PLCB1: variants seen among roughly 807,000 people sequenced by gnomAD.
PLCB1 encodes the protein phospholipase C beta 1.
A neutral mutation model predicts 161.8 loss-of-function variants in PLCB1; 46 were observed. The observed-to-expected ratio is 0.28, with a 90% confidence interval of 0.22 to 0.36. The LOEUF is 0.36. Ranked by LOEUF, PLCB1 falls within the 10% of genes least tolerant of loss-of-function variation. The pLI is 1.00. For synonymous variants in PLCB1, 517 were observed against 503.7 expected (o/e 1.03, Z -0.35); for missense variants, 1,016 against 1,472.5 (o/e 0.69, Z 5.07).
At chr20:8,729,202 T>C in intron 18 of PLCB1, 28 bp downstream of exon 18, 1 of 1,560,618 alleles carries the variant, frequency 6.4e-7, no homozygotes, top group Non-Finnish European at 8.7e-7. Flanking sequence ...CCCATTCTGC[T>C]ATGAACTCAC....
At chr20:8,293,678 T>C (rs1464712256) in intron 2 of PLCB1, among the ~76,000 whole-genome samples, 1 of 152,096 alleles carries the variant, frequency 6.6e-6, no homozygotes, top group East Asian at 1.9e-4. Context: ...GGCAATAACC[T>C]CTTAATATCA....
At chr20:8,582,691 T>A (rs888255527) in intron 3 of PLCB1, among the ~76,000 whole-genome samples, 2 of 152,080 alleles carry the variant, frequency 1.3e-5, no homozygotes, top group Non-Finnish European at 2.9e-5. Context: ...TTATTTGGCC[T>A]TAAAAAGAAA....
intron 2 of PLCB1, among the ~76,000 whole-genome samples, chr20:8,360,103 C>A (rs1418940459): frequency 2.4e-4 from 37 of 152,136 alleles, no homozygotes; most frequent in Admixed American, 2.2e-3. Flanking sequence ...GAAGTCCCAA[C>A]CTCAACCTAA....
chr20:8,349,684 A>G (rs1204271110), intron 2 of PLCB1, among the ~76,000 whole-genome samples: 1 of 152,200 alleles, frequency 6.6e-6, no homozygotes, highest in East Asian at 1.9e-4. Context: ...AGACTGAAAA[A>G]TTAGGGCATT....
chr20:8,545,040 A>G (rs1417199569), intron 3 of PLCB1, among the ~76,000 whole-genome samples: 3 of 152,222 alleles, frequency 2.0e-5, no homozygotes, highest in Non-Finnish European at 4.4e-5. Context: ...ATGACAGTCT[A>G]GAAGAATGGA....
chr20:8,233,494 C>G lies in PLCB1; in HGVS notation c.177+83123C>G, dbSNP rs143255625. 1.3e-3 allele frequency among the ~76,000 whole-genome samples: 205 copies of G among 152,244 alleles called. 1 individual carries two copies. The highest frequency in any genetic ancestry group is 4.6e-3 in the African/African-American group (192 of 41,558). ...GGCATTCGAAAATAGCGGAAACCCTCTTTAGAAATTGATAACTTGGTTAAG... is the reference window on the plus strand; with the variant it reads ...GGCATTCGAAAATAGCGGAAACCCTGTTTAGAAATTGATAACTTGGTTAAG... On this transcript the variant is annotated intron_variant, in intron 2 of 31. Transcript: ENST00000338037.
At chr20:8,338,976 G>A (rs1045160403) in intron 2 of PLCB1, among the ~76,000 whole-genome samples, 1 of 152,050 alleles carries the variant, frequency 6.6e-6, no homozygotes, top group African/African-American at 2.4e-5. Flanking sequence ...GTTCCATGTT[G>A]CATTCCTCTT....
At chr20:8,236,907 A>G (rs1225474186) in intron 2 of PLCB1, among the ~76,000 whole-genome samples, 2 of 152,088 alleles carry the variant, frequency 1.3e-5, no homozygotes, top group Admixed American at 6.6e-5. Context: ...TCAAAGAAAT[A>G]CATACTATAA....
At chr20:8,507,756 G>A (rs1414747424) in intron 3 of PLCB1, among the ~76,000 whole-genome samples, 1 of 151,782 alleles carries the variant, frequency 6.6e-6, no homozygotes, top group East Asian at 1.9e-4. Flanking sequence ...AAAAGTTAAT[G>A]CAACAATTAT....
chr20:8,774,338 A>G (rs555074866), intron 26 of PLCB1, among the ~76,000 whole-genome samples: 3 of 152,292 alleles, frequency 2.0e-5, no homozygotes, highest in East Asian at 1.9e-4. Flanking sequence ...CTAGAGCACC[A>G]TGAATTCCAT....
At chr20:8,651,260 T>C (rs954611299) in intron 7 of PLCB1, among the ~76,000 whole-genome samples, 1 of 152,206 alleles carries the variant, frequency 6.6e-6, no homozygotes, top group African/African-American at 2.4e-5. Flanking sequence ...CTTAGACTTA[T>C]GATTGAATTA....
At chr20:8,736,742 A>G (rs1980605755) in intron 19 of PLCB1, among the ~76,000 whole-genome samples, 1 of 152,196 alleles carries the variant, frequency 6.6e-6, no homozygotes, top group African/African-American at 2.4e-5. Context: ...AGAACTCACT[A>G]TCATGAGAAC....
At chr20:8,331,069 G>A (rs756837627) in intron 2 of PLCB1, among the ~76,000 whole-genome samples, 1 of 152,138 alleles carries the variant, frequency 6.6e-6, no homozygotes, top group Non-Finnish European at 1.5e-5. Flanking sequence ...ACAGACTCAT[G>A]TGTACACACT....
intron 3 of PLCB1, among the ~76,000 whole-genome samples, chr20:8,544,435 CT>C (rs1453368471): frequency 5.3e-5 from 8 of 152,210 alleles, no homozygotes; most frequent in African/African-American, 1.7e-4. Flanking sequence ...ACTTCTACTA[CT>C]GCCTAACTTT....
chr20:8,796,946 C>G (rs1054017310), intron 31 of PLCB1, among the ~76,000 whole-genome samples: 1 of 152,194 alleles, frequency 6.6e-6, no homozygotes, highest in Non-Finnish European at 1.5e-5. Context: ...TGTACTTCCT[C>G]TAGAAGTTCC....
chr20:8,843,643 T>G (rs1172452019), intron 31 of PLCB1, among the ~76,000 whole-genome samples: 3 of 152,038 alleles, frequency 2.0e-5, no homozygotes, highest in African/African-American at 7.2e-5. Flanking sequence ...AATGATAAAA[T>G]ATAAATAATG....
At chr20:8,545,306 A>T (rs1231652510) in intron 3 of PLCB1, among the ~76,000 whole-genome samples, 2 of 152,204 alleles carry the variant, frequency 1.3e-5, no homozygotes, top group African/African-American at 2.4e-5. Context: ...CACTAGTGTG[A>T]TATGGAAGAG....
intron 3 of PLCB1, among the ~76,000 whole-genome samples, chr20:8,560,307 C>G (rs1986102703): frequency 6.6e-6 from 1 of 151,960 alleles, no homozygotes; most frequent in Non-Finnish European, 1.5e-5. Context: ...TTAAGAATAC[C>G]AAGGCCTAGG....
intron 3 of PLCB1, among the ~76,000 whole-genome samples, chr20:8,604,483 A>G (rs1056118819): frequency 6.6e-6 from 1 of 152,060 alleles, no homozygotes; most frequent in Non-Finnish European, 1.5e-5. Context: ...TACAATTACT[A>G]AGGTTTCCCA....
Sources: gnomAD v4.1 joint callset for allele counts (sites outside exome capture counted in the v4.1 genomes callset) on GRCh38, gnomAD v4.1.1 for gene constraint, MANE v1.5 for transcripts, NCBI Gene and HGNC (gene_info 2026-07-23, HGNC 2026-07-21) for gene names.